Variants in LMNTD1 observed in about 807,000 individuals in gnomAD.
LMNTD1 encodes lamin tail domain containing 1.
A neutral mutation model predicts 50.9 loss-of-function variants in LMNTD1; 35 were observed. That is an observed-to-expected ratio of 0.69 (90% CI 0.53 to 0.91). LMNTD1 has a LOEUF of 0.91. Ranked by LOEUF, LMNTD1 falls within the 40% of genes least tolerant of loss-of-function variation. The pLI is 0.00. For missense variants in LMNTD1, 470 were observed against 475.5 expected, an observed-to-expected ratio of 0.99 and a Z score of 0.11; for synonymous variants, 153 against 161.9, an observed-to-expected ratio of 0.94 and a Z score of 0.42.
intron 1 of LMNTD1, among the ~76,000 whole-genome samples, chr12:25,589,483 GAC>G (rs372459949): frequency 2.0e-5 from 3 of 152,302 alleles, no homozygotes; most frequent in African/African-American, 7.2e-5. Context: ...GATGGAGGGA[GAC>G]ACAGGTGACT....
chr12:25,508,634 A>G (rs1940009415), intron 8 of LMNTD1, among the ~76,000 whole-genome samples: 1 of 152,182 alleles, frequency 6.6e-6, no homozygotes, highest in Non-Finnish European at 1.5e-5. Context: ...TGTTAAATAT[A>G]TATAGTTCTT....
rs533850347 is a variant in LMNTD1 at position 25,489,130 on chromosome 12, C to A, written c.*23-12670G>T. Among the ~76,000 whole-genome samples the A allele has an allele frequency of 3.3e-5, 5 of 152,146 alleles. No individual in the cohort carries two copies. The South Asian group carries it at 8.3e-4, about 25-fold the overall frequency. On this transcript the variant is annotated intron_variant, in intron 9 of 9. Transcript: ENST00000458174. ...GGTGGAGCCTACAGTGGCAGGCAGG[C>A]CTCCTTGAACAGTGGTGGGCTCCAC...
At chr12:25,494,335 G>A (rs569086625) in intron 9 of LMNTD1, among the ~76,000 whole-genome samples, 44 of 152,142 alleles carry the variant, frequency 2.9e-4, no homozygotes, top group African/African-American at 1.0e-3. Flanking sequence ...CCATAATCCC[G>A]ATACATACAT....
chr12:25,549,505 GA>G lies in LMNTD1; in HGVS notation c.130del (p.Ser44ProfsTer36). ...GGCAACTGAACCCAACATCTTTGGG[GA>G]AAAATGTACTAAAGAATATACTCCA... Reference protein sequence around the residue: ...KLGVYSLVHFSPKMLGSVATT... With the variant: ...KLGVYSLVHFXPKMLGSVATT... On this transcript the variant is annotated frameshift_variant, in exon 3 of 10. Transcript: ENST00000458174. LOFTEE classifies it high-confidence loss of function. 1 of 1,612,246 alleles carries G rather than the reference GA, an allele frequency of 6.2e-7. No individual in the cohort carries two copies. The highest frequency in any genetic ancestry group is 8.5e-7 in the Non-Finnish European group (1 of 1,178,782).
intron 8 of LMNTD1, among the ~76,000 whole-genome samples, chr12:25,512,410 A>T (rs902329593): frequency 7.2e-5 from 11 of 152,244 alleles, no homozygotes; most frequent in Non-Finnish European, 1.6e-4. Context: ...GACGTTTGAC[A>T]TGTAATGCTT....
rs561968641 is a variant in LMNTD1, at chr12:25,579,065, A to G, written c.59-32511T>C. The stretch of plus-strand genomic sequence containing the variant: ...TAACCTAATCCATGTTATTTTCAAC[A>G]TAACTTCTCCTAAAGGAGGAGTAAT... On this transcript the variant is annotated intron_variant, in intron 1 of 7. Coordinates refer to the LMNTD1 transcript ENST00000445693. Among the ~76,000 whole-genome samples the G allele has an allele frequency of 3.3e-5, 5 of 152,284 alleles. No individual in the cohort carries two copies. The South Asian group carries it at 6.2e-4, about 19-fold the overall frequency.
intron 4 of LMNTD1, among the ~76,000 whole-genome samples, chr12:25,536,918 G>T (rs1318905398): frequency 2.0e-5 from 3 of 152,250 alleles, no homozygotes; most frequent in Non-Finnish European, 4.4e-5. Context: ...CACTCGGGAA[G>T]CACAAGGGGT....
Position 25,483,528 on chromosome 12 carries a change from T to G in LMNTD1, c.*23-7068A>C, listed in dbSNP as rs369236937. 3.6e-4 allele frequency among the ~76,000 whole-genome samples: 54 copies of G among 151,978 alleles called. No homozygotes were observed. The East Asian group carries it at 8.7e-3, about 24-fold the overall frequency. On this transcript the variant is annotated intron_variant, in intron 9 of 9. Transcript: ENST00000458174. ...GGCTCATGCCTGTAATCCTAGCACTTTGGGAGGCCGAGGTGGGTGGATCAT... is the reference window on the plus strand; with the variant it reads ...GGCTCATGCCTGTAATCCTAGCACTGTGGGAGGCCGAGGTGGGTGGATCAT...
At chr12:25,598,398 A>G (rs1429509152) in intron 1 of LMNTD1, among the ~76,000 whole-genome samples, 1 of 152,096 alleles carries the variant, frequency 6.6e-6, no homozygotes, top group African/African-American at 2.4e-5. Flanking sequence ...CCTACATCAA[A>G]AAAAGAAGAA....
At chr12:25,579,272 C>T (rs959495485) in intron 1 of LMNTD1, among the ~76,000 whole-genome samples, 2 of 152,056 alleles carry the variant, frequency 1.3e-5, no homozygotes, top group African/African-American at 4.8e-5. Flanking sequence ...CATGTACAGA[C>T]TTTTTTCTTA....
chr12:25,506,274 A>G (rs1013555600), intron 8 of LMNTD1, among the ~76,000 whole-genome samples: 17 of 152,184 alleles, frequency 1.1e-4, no homozygotes, highest in African/African-American at 3.6e-4. Context: ...CACACTCAGA[A>G]ACAAAGGAGC....
At chr12:25,570,759 A>G (rs1944755693) in intron 1 of LMNTD1, among the ~76,000 whole-genome samples, 1 of 152,232 alleles carries the variant, frequency 6.6e-6, no homozygotes, top group Non-Finnish European at 1.5e-5. Context: ...ATTATAGGAT[A>G]CTAAAAGAAA....
chr12:25,598,194 C>G (rs907247103), intron 1 of LMNTD1, among the ~76,000 whole-genome samples: 4 of 152,022 alleles, frequency 2.6e-5, no homozygotes, highest in Admixed American at 2.0e-4. Flanking sequence ...TTGGGTATGT[C>G]TTTGTTAGCA....
chr12:25,619,248 C>CTATATATA lies in LMNTD1; in HGVS notation c.58+29245_58+29246insTATATATA, dbSNP rs1256778114. On this transcript the variant is annotated intron_variant, in intron 1 of 7. Transcript: ENST00000445693. ...TCTCTCTCTCTCTCTCTCTCTCTCT[C>CTATATATA]TCTCTATATATATATATATATATAT... Among the ~76,000 whole-genome samples the CTATATATA allele has an allele frequency of 1.1e-4, 9 of 78,550 alleles. No individual in the cohort carries two copies. In the South Asian group the frequency reaches 1.3e-3, roughly 12 times the overall value. 51.5% of individuals were successfully genotyped at this position (78,550 alleles called of 152,430 possible).
At chr12:25,598,674 T>C (rs974615788) in intron 1 of LMNTD1, among the ~76,000 whole-genome samples, 2 of 148,358 alleles carry the variant, frequency 1.3e-5, no homozygotes, top group East Asian at 4.3e-4. Context: ...GACATTACAA[T>C]TGATACTGCA....
At chr12:25,514,977 A>C (rs954679797) in intron 8 of LMNTD1, among the ~76,000 whole-genome samples, 3 of 152,150 alleles carry the variant, frequency 2.0e-5, no homozygotes, top group Admixed American at 2.0e-4. Context: ...AATTAGCAAA[A>C]TTCTTCCTAG....
At chr12:25,492,185 A>T (rs764204003) in intron 9 of LMNTD1, among the ~76,000 whole-genome samples, 1 of 152,216 alleles carries the variant, frequency 6.6e-6, no homozygotes, top group African/African-American at 2.4e-5. Flanking sequence ...TTTTTTCAAA[A>T]GTCTTAAGAC....
At chr12:25,647,312 A>G (rs1354545632) in intron 1 of LMNTD1, among the ~76,000 whole-genome samples, 1 of 152,070 alleles carries the variant, frequency 6.6e-6, no homozygotes, top group African/African-American at 2.4e-5. Context: ...GGCAAAACCT[A>G]TCTCTACCAA....
In LMNTD1 at chr12:25,622,465, C is replaced by CT. The variant is rs1283668121; in HGVS notation, c.58+26028_58+26029insA. Among the ~76,000 whole-genome samples, 6 of 120,252 alleles carry CT rather than the reference C, an allele frequency of 5.0e-5. 1 individual carries two copies. The highest frequency in any genetic ancestry group is 1.9e-5 in the Non-Finnish European group (1 of 53,834). The allele number at this position is 120,252 out of a possible 152,430, so 78.9% of individuals were successfully genotyped here. A position where few individuals can be genotyped will look rare whatever the true frequency, so the allele number is the denominator to read the frequency against. ...TGCCCTTGACCTTGAGTTTGTGAGC[C>CT]CGCCCCCCCCCGCAAAATAATATCA... On this transcript the variant is annotated intron_variant, in intron 1 of 7. Transcript: ENST00000445693.
Sources: gnomAD v4.1 joint callset for allele counts (sites outside exome capture counted in the v4.1 genomes callset) on GRCh38, gnomAD v4.1.1 for gene constraint, MANE v1.5 for transcripts, NCBI Gene and HGNC (gene_info 2026-07-23, HGNC 2026-07-21) for gene names.